AS3MT: variants seen among roughly 807,000 people sequenced by gnomAD.
AS3MT encodes the protein S-adenosyl-L-methionine:arsenic(III) methyltransferase.
A neutral mutation model predicts 45.3 loss-of-function variants in AS3MT; 47 were observed. That is an observed-to-expected ratio of 1.04 (90% CI 0.82 to 1.32). AS3MT has a LOEUF of 1.32. Among genes scored for constraint, AS3MT ranks in the 40% most tolerant of loss-of-function variants. The probability of loss-of-function intolerance (pLI) is 0.00; values close to 1 mark genes in which losing one functional copy is unlikely to be tolerated. For synonymous variants in AS3MT, 141 were observed against 152.8 expected (o/e 0.92, Z 0.57); for missense variants, 396 against 451.1 (o/e 0.88, Z 1.11).
chr10:102,873,791 G>C (rs1844734638), intron 5 of AS3MT, among the ~76,000 whole-genome samples: 1 of 152,134 alleles, frequency 6.6e-6, no homozygotes, highest in African/African-American at 2.4e-5. Flanking sequence ...AAGACCAGCA[G>C]GACCACTAAG....
chr10:102,900,533 T>C (rs1845253501), intron 10 of AS3MT, 60 bp from the exon 11 acceptor site: 7 of 1,176,970 alleles, frequency 5.9e-6, no homozygotes, highest in Non-Finnish European at 8.9e-6. Flanking sequence ...GAAATATTAG[T>C]GTTTGGGTAC....
chr10:102,895,662 G>A (rs12771834), intron 10 of AS3MT, among the ~76,000 whole-genome samples: 16,138 of 152,152 alleles, frequency 0.11, 1,111 homozygotes, highest in Non-Finnish European at 0.15. Context: ...TGCCGGGTGT[G>A]GTGGCTTACG....
intron 10 of AS3MT, 32 bp downstream of exon 10, chr10:102,890,710 A>G: frequency 5.0e-6 from 8 of 1,584,326 alleles, no homozygotes; most frequent in Non-Finnish European, 6.9e-6. Flanking sequence ...TGAGAGAACT[A>G]TTTTATTTAT....
chr10:102,890,234 C>A (rs1211747133), intron 9 of AS3MT, among the ~76,000 whole-genome samples: 1 of 152,018 alleles, frequency 6.6e-6, no homozygotes, highest in Non-Finnish European at 1.5e-5. Context: ...GATCTCCTGA[C>A]CTTGTGATCG....
intron 9 of AS3MT, among the ~76,000 whole-genome samples, chr10:102,885,170 A>G (rs1367245954): frequency 2.0e-5 from 3 of 152,082 alleles, no homozygotes; most frequent in African/African-American, 2.4e-5. Flanking sequence ...GTAACCACCA[A>G]TCTACTCTCT....
intron 10 of AS3MT, among the ~76,000 whole-genome samples, chr10:102,892,197 TTTGA>T (rs1300600754): frequency 1.3e-5 from 2 of 152,152 alleles, no homozygotes; most frequent in Non-Finnish European, 2.9e-5. Context: ...CGAATACTCT[TTTGA>T]CTGTCATATT....
chr10:102,886,925 A>G (rs1302510001), intron 9 of AS3MT, among the ~76,000 whole-genome samples: 1 of 152,178 alleles, frequency 6.6e-6, no homozygotes, highest in Non-Finnish European at 1.5e-5. Context: ...TGATATAGGC[A>G]TTACTTGAAA....
rs1845270140 is a variant in AS3MT, at chr10:102,901,543, C to T, written c.*843C>T. 6.6e-6 allele frequency: 1 copy of T among 152,242 alleles called. No homozygotes were observed. Among genetic ancestry groups the T allele is most frequent in the African/African-American group, 2.4e-5 (1 of 41,534 alleles). 9.4% of individuals were successfully genotyped at this position (152,242 alleles called of 1,614,324 possible). A position where few individuals can be genotyped will look rare whatever the true frequency, so the allele number is the denominator to read the frequency against. On this transcript the variant is annotated 3_prime_UTR_variant, in exon 11 of 11. Transcript: ENST00000369880. Reference sequence around the variant, plus strand: ...TTGATTAAAGATTCACAGCAAATCACTAGTTAAGCAGATTTTTTTTCTATT... The same window carrying T: ...TTGATTAAAGATTCACAGCAAATCATTAGTTAAGCAGATTTTTTTTCTATT...
chr10:102,895,457 T>C (rs917016784), intron 10 of AS3MT, among the ~76,000 whole-genome samples: 1 of 152,126 alleles, frequency 6.6e-6, no homozygotes, highest in Admixed American at 6.5e-5. Flanking sequence ...AGCCTCGGCC[T>C]CCCAAAGTGC....
intron 3 of AS3MT, among the ~76,000 whole-genome samples, chr10:102,870,980 C>G (rs994835540): frequency 6.6e-6 from 1 of 152,208 alleles, no homozygotes; most frequent in African/African-American, 2.4e-5. Context: ...AGCGGTGGCT[C>G]ACGTCCGTCA....
intron 5 of AS3MT, among the ~76,000 whole-genome samples, chr10:102,874,343 A>G (rs905019079): frequency 2.6e-5 from 4 of 152,240 alleles, no homozygotes; most frequent in Admixed American, 1.3e-4. Flanking sequence ...CAGGACAGAA[A>G]CAAGTAAGAA....
chr10:102,882,495 C>T (rs1364438709), intron 9 of AS3MT, among the ~76,000 whole-genome samples: 1 of 151,234 alleles, frequency 6.6e-6, no homozygotes, highest in Non-Finnish European at 1.5e-5. Flanking sequence ...GCATAGCCCA[C>T]TATAGTCTTG....
chr10:102,899,810 G>C (rs948197847), intron 10 of AS3MT, among the ~76,000 whole-genome samples: 3 of 151,828 alleles, frequency 2.0e-5, no homozygotes, highest in Non-Finnish European at 4.4e-5. Flanking sequence ...TGAGACTACA[G>C]ACGTGCCACC....
Position 102,900,621 on chromosome 10 carries a change from C to A in AS3MT, c.1049C>A (p.Ala350Glu). The change falls in exon 11 of 11, where the codon GCA becomes GAA. Residue 350 changes from alanine (A) to glutamate (E), a missense_variant. Physicochemically the swap from Ala to Glu is moderately radical, Grantham distance 107 (BLOSUM62 -1). Coordinates refer to ENST00000369880, the MANE Select transcript of AS3MT (RefSeq NM_020682.4). Reference sequence around the variant, plus strand: ...ATAATCACAGATCCATTTAAGCTTGCAGAAGAGTCTGACAGTATGAAGTCC... The same window carrying A: ...ATAATCACAGATCCATTTAAGCTTGAAGAAGAGTCTGACAGTATGAAGTCC... ...KDIITDPFKLAEESDSMKSRC... is the reference protein window; with the variant it reads ...KDIITDPFKLEEESDSMKSRC... 1 of 1,614,024 alleles carries A rather than the reference C, an allele frequency of 6.2e-7. No homozygotes were observed.
rs762143284 is a variant in AS3MT, at chr10:102,873,129, C to A, written c.354C>A (p.His118Gln). The change falls in exon 5 of 11, where the codon CAC becomes CAA. Residue 118 changes from histidine to glutamine, a missense_variant. Coordinates refer to ENST00000369880, the MANE Select transcript of AS3MT (RefSeq NM_020682.4). ...TGGCTGAAAAGTATCTTGACTATCA[C>A]ATGGAAAAATATGGCTTCCAGGCAT... is the stretch of plus-strand genomic sequence containing the variant. ...VEVAEKYLDY[H>Q]MEKYGFQASN... is the part of the protein sequence containing the mutation. The A allele has an allele frequency of 6.2e-7, 1 of 1,602,226 alleles. No homozygotes were observed.
intron 10 of AS3MT, among the ~76,000 whole-genome samples, chr10:102,893,823 A>G (rs1013978387): frequency 2.6e-5 from 4 of 152,000 alleles, no homozygotes; most frequent in Non-Finnish European, 4.4e-5. Flanking sequence ...TAGTAGAGAC[A>G]GGGTTTCACC....
At chr10:102,876,572 C>T (rs1459810109) in intron 6 of AS3MT, among the ~76,000 whole-genome samples, 1 of 152,132 alleles carries the variant, frequency 6.6e-6, no homozygotes. Flanking sequence ...GCCATCATAC[C>T]TGGCAAAGTT....
At chr10:102,883,582 G>A (rs1331396409) in intron 9 of AS3MT, among the ~76,000 whole-genome samples, 1 of 151,904 alleles carries the variant, frequency 6.6e-6, no homozygotes, top group Non-Finnish European at 1.5e-5. Flanking sequence ...GCGTGGTGGC[G>A]TGTGCCTGTT....
chr10:102,892,288 C>T (rs75691516), intron 10 of AS3MT, among the ~76,000 whole-genome samples: 16,512 of 152,136 alleles, frequency 0.11, 913 homozygotes, highest in Middle Eastern at 0.18. Flanking sequence ...GAGAATCCCC[C>T]GTTTGGAATC....
Sources: gnomAD v4.1 joint callset for allele counts (sites outside exome capture counted in the v4.1 genomes callset) on GRCh38, gnomAD v4.1.1 for gene constraint, MANE v1.5 for transcripts, NCBI Gene and HGNC (gene_info 2026-07-23, HGNC 2026-07-21) for gene names.